Variants in MCCC2 observed in about 807,000 individuals in gnomAD.
MCCC2 encodes methylcrotonoyl-CoA carboxylase beta chain, mitochondrial.
MCCC2 carries 52 observed loss-of-function variants against 77.2 expected under a neutral mutation model. The ratio of observed to expected loss-of-function variants is 0.67; its 90% CI spans 0.54 to 0.85. The LOEUF is 0.85. Among genes scored for constraint, MCCC2 ranks in the 40% least tolerant of loss-of-function variants. The pLI, the probability that MCCC2 is intolerant of heterozygous loss-of-function variation, is 0.00. For missense variants in MCCC2, 682 were observed against 703.2 expected, an observed-to-expected ratio of 0.97 and a Z score of 0.34; for synonymous variants, 253 against 248.4, an observed-to-expected ratio of 1.02 and a Z score of -0.18.
chr5:71,622,191 G>A (rs1390866619), intron 6 of MCCC2, among the ~76,000 whole-genome samples: 3 of 151,888 alleles, frequency 2.0e-5, no homozygotes, highest in African/African-American at 7.3e-5. Context: ...CTTGTCCAGT[G>A]AGCTTTGTCC....
chr5:71,639,503 T>C (rs775423253), intron 10 of MCCC2, among the ~76,000 whole-genome samples: 1 of 152,186 alleles, frequency 6.6e-6, no homozygotes, highest in Non-Finnish European at 1.5e-5. Context: ...GTTAAGACCT[T>C]GCTCTGGATT....
chr5:71,655,044 G>T (rs1747543882), intron 16 of MCCC2, among the ~76,000 whole-genome samples: 1 of 152,112 alleles, frequency 6.6e-6, no homozygotes, highest in Non-Finnish European at 1.5e-5. Flanking sequence ...ATGTTGGTCA[G>T]GCTTGTCTCG....
intron 6 of MCCC2, among the ~76,000 whole-genome samples, chr5:71,610,882 A>C (rs1745910336): frequency 6.6e-6 from 1 of 152,134 alleles, no homozygotes; most frequent in African/African-American, 2.4e-5. Flanking sequence ...GCAACTTGGG[A>C]GACTGAGGCA....
chr5:71,629,362 G>A (rs931274858), intron 7 of MCCC2, among the ~76,000 whole-genome samples: 3 of 152,102 alleles, frequency 2.0e-5, no homozygotes, highest in Non-Finnish European at 2.9e-5. Context: ...ATGAGGATGG[G>A]GTTTCTTCTG....
chr5:71,601,126 A>C lies in MCCC2; in HGVS notation c.383+1366A>C, dbSNP rs140168276. ...CAAAATAATAGATGCTGGGTAGGCA[A>C]AACCAATAGAAATGCAATCTAGTAT... On this transcript the variant is annotated intron_variant, in intron 4 of 16. Transcript: ENST00000340941. Among the ~76,000 whole-genome samples, 448 of 152,316 alleles carry C rather than the reference A, an allele frequency of 2.9e-3. 3 individuals are homozygous for C. Among genetic ancestry groups the C allele is most frequent in the African/African-American group, 0.01 (421 of 41,554 alleles).
chr5:71,611,002 G>A (rs996356028), intron 6 of MCCC2, among the ~76,000 whole-genome samples: 1 of 151,906 alleles, frequency 6.6e-6, no homozygotes, highest in South Asian at 2.1e-4. Context: ...CAAAGAACAG[G>A]TTTTTAAAAG....
intron 3 of MCCC2, 66 bp from the exon 4 acceptor site, chr5:71,599,593 G>A: frequency 8.0e-7 from 1 of 1,247,156 alleles, no homozygotes; most frequent in South Asian, 1.2e-5. Context: ...CCTTTTCCAT[G>A]TGTAACTGTT....
At chr5:71,623,543 C>G (rs1226938591) in intron 6 of MCCC2, among the ~76,000 whole-genome samples, 1 of 152,136 alleles carries the variant, frequency 6.6e-6, no homozygotes, top group African/African-American at 2.4e-5. Context: ...AGAGGGCCAG[C>G]AAGAGCAAGA....
intron 13 of MCCC2, 79 bp downstream of exon 13, chr5:71,646,356 C>A: frequency 1.6e-6 from 2 of 1,257,204 alleles, no homozygotes; most frequent in South Asian, 1.2e-5. Context: ...TTGGACAGCA[C>A]ACATGTAGAC....
intron 6 of MCCC2, among the ~76,000 whole-genome samples, chr5:71,609,527 C>G (rs933143061): frequency 3.5e-4 from 53 of 150,238 alleles, no homozygotes; most frequent in African/African-American, 1.2e-3. Context: ...CCTCCCGTAG[C>G]TCAGAGTAAT....
chr5:71,604,099 G>A (rs1745566495), intron 5 of MCCC2, among the ~76,000 whole-genome samples: 1 of 152,164 alleles, frequency 6.6e-6, no homozygotes, highest in African/African-American at 2.4e-5. Context: ...GCTTTAGCTG[G>A]TCCTCAAAGG....
rs1351217058 is a variant in MCCC2, at chr5:71,657,005, G to A, written c.*145G>A. The stretch of plus-strand genomic sequence containing the variant: ...GTACTTTTCTACCTTAAAAAAATCA[G>A]TGAGGATATTTATTTAATGAACATC... On this transcript the variant is annotated 3_prime_UTR_variant, in exon 17 of 17. Transcript: ENST00000340941. The A allele has an allele frequency of 3.1e-5, 20 of 642,130 alleles. No individual in the cohort carries two copies. The highest frequency in any genetic ancestry group is 4.4e-5 in the Non-Finnish European group (16 of 361,460). 39.8% of individuals were successfully genotyped at this position (642,130 alleles called of 1,614,324 possible).
chr5:71,645,095 A>G (rs574070339), intron 12 of MCCC2, among the ~76,000 whole-genome samples: 4 of 152,312 alleles, frequency 2.6e-5, no homozygotes, highest in African/African-American at 9.6e-5. Context: ...AATATATAAT[A>G]TACTTATTTC....
At chr5:71,605,042 AC>A (rs1745614321) in intron 6 of MCCC2, among the ~76,000 whole-genome samples, 1 of 89,936 alleles carries the variant, frequency 1.1e-5, no homozygotes, top group Non-Finnish European at 2.5e-5. Context: ...CAATAAACAT[AC>A]GTGTGCATGT....
At chr5:71,601,348 C>A (rs542101434) in intron 4 of MCCC2, among the ~76,000 whole-genome samples, 1 of 152,260 alleles carries the variant, frequency 6.6e-6, no homozygotes, top group African/African-American at 2.4e-5. Flanking sequence ...AGCGTAGCAC[C>A]CCCAGTGGTA....
intron 15 of MCCC2, among the ~76,000 whole-genome samples, chr5:71,650,498 T>G (rs1376036894): frequency 6.6e-6 from 1 of 152,204 alleles, no homozygotes; most frequent in Non-Finnish European, 1.5e-5. Context: ...AGAGTCTCGC[T>G]CTGTCACCCA....
intron 1 of MCCC2, among the ~76,000 whole-genome samples, chr5:71,589,494 C>T (rs771716294): frequency 4.1e-4 from 62 of 152,254 alleles, no homozygotes; most frequent in Non-Finnish European, 6.8e-4. Context: ...CTGAATTAAA[C>T]ATGCCCTTCT....
intron 6 of MCCC2, among the ~76,000 whole-genome samples, chr5:71,605,818 C>G (rs1455974102): frequency 1.3e-5 from 2 of 152,140 alleles, no homozygotes; most frequent in South Asian, 4.1e-4. Context: ...TTTCCCAACA[C>G]CATTTATTAA....
chr5:71,624,426 G>A lies in MCCC2; in HGVS notation c.625-2214G>A, dbSNP rs182786109. Among the ~76,000 whole-genome samples the A allele has an allele frequency of 1.6e-3, 250 of 151,944 alleles. 2 individuals carry two copies. Among genetic ancestry groups the A allele is most frequent in the African/African-American group, 5.8e-3 (242 of 41,444 alleles). On this transcript the variant is annotated intron_variant, in intron 6 of 16. Transcript: ENST00000340941. Reference sequence around the variant, plus strand: ...GGAGTTTTGCTCTTGTTGCCCAGGTGGAGTGCAATGGTGTGATCTCGGCTT... The same window carrying A: ...GGAGTTTTGCTCTTGTTGCCCAGGTAGAGTGCAATGGTGTGATCTCGGCTT...
Sources: gnomAD v4.1 joint callset for allele counts (sites outside exome capture counted in the v4.1 genomes callset) on GRCh38, gnomAD v4.1.1 for gene constraint, MANE v1.5 for transcripts, NCBI Gene and HGNC (gene_info 2026-07-23, HGNC 2026-07-21) for gene names.